APOL6: variants seen among roughly 807,000 people sequenced by gnomAD.
The protein encoded by APOL6 is apolipoprotein L6.
APOL6 carries 1 observed loss-of-function variant against 2.4 expected under a neutral mutation model. The ratio of observed to expected loss-of-function variants is 0.41; its 90% confidence interval spans 0.15 to 1.94. The LOEUF is 1.94. Among genes scored for constraint, APOL6 ranks in the 30% most tolerant of loss-of-function variants. The pLI, the probability that APOL6 is intolerant of heterozygous loss-of-function variation, is 0.30. For missense variants in APOL6, 438 were observed against 429.2 expected (o/e 1.02, Z -0.18); for synonymous variants, 189 against 169.3 (o/e 1.12, Z -0.90).
At position 35,659,760 on chromosome 22, in the gene APOL6, T is replaced by C. The variant is rs868827253; in HGVS notation, c.*164T>C. 1.2e-4 allele frequency: 123 copies of C among 1,043,018 alleles called. No individual in the cohort carries two copies. The African/African-American group carries it at 1.9e-3, about 16-fold the overall frequency. 64.6% of individuals were successfully genotyped at this position (1,043,018 alleles called of 1,614,324 possible). A position where few individuals can be genotyped will look rare whatever the true frequency, so the allele number is the denominator to read the frequency against. On this transcript the variant is annotated 3_prime_UTR_variant, in exon 3 of 3. Coordinates refer to ENST00000409652, the MANE Select transcript of APOL6 (RefSeq NM_030641.4). Reference sequence around the variant, plus strand: ...CTGGGAAAAGGGTCTTCCCTGTTTGTTTGTTTGTTTGTTTGTTTGTTTGTT... The same window carrying C: ...CTGGGAAAAGGGTCTTCCCTGTTTGCTTGTTTGTTTGTTTGTTTGTTTGTT...
chr22:35,657,303 T>C lies in APOL6; in HGVS notation c.50+828T>C, dbSNP rs1412102790. Among the ~76,000 whole-genome samples, 5 of 152,140 alleles carry C rather than the reference T, an allele frequency of 3.3e-5. No homozygotes were observed. In the East Asian group the frequency reaches 9.6e-4, roughly 29 times the overall value. The stretch of plus-strand genomic sequence containing the variant: ...TTGCCTTCATCCCACCCCTTCCCCA[T>C]TGCAAGCCCTGGTGACCTTCTGCTC... On this transcript the variant is annotated intron_variant, in intron 2 of 2. Transcript: ENST00000409652.
Position 35,656,469 on chromosome 22 carries a change from T to G in APOL6, c.44T>G (p.Leu15Trp). 7 of 1,614,104 alleles carry G rather than the reference T, an allele frequency of 4.3e-6. No individual in the cohort carries two copies. The highest frequency in any genetic ancestry group is 2.7e-5 in the African/African-American group (2 of 75,044). Residue 15 changes from leucine (L) to tryptophan (W), a missense_variant, in exon 2 of 3, where the codon TTG (leucine) becomes TGG (tryptophan). Physicochemically the swap from Leu to Trp is moderately conservative, Grantham distance 61. Coordinates refer to ENST00000409652, the MANE Select transcript of APOL6 (RefSeq NM_030641.4). ...AGAGAAAGTGAGGCTGGTGTTGGTT[T>G]GCAAAGGTAATCCAAAGGGTGTAGT... ...AERESEAGVG[L>W]QRDEDDAPLC...
At chr22:35,657,785 T>C (rs898476458) in intron 2 of APOL6, among the ~76,000 whole-genome samples, 1 of 152,170 alleles carries the variant, frequency 6.6e-6, no homozygotes, top group African/African-American at 2.4e-5. Context: ...AATGCACAAA[T>C]GGCACCTTGC....
chr22:35,657,198 C>G (rs11912061), intron 2 of APOL6, among the ~76,000 whole-genome samples: 10 of 152,272 alleles, frequency 6.6e-5, no homozygotes, highest in African/African-American at 2.4e-4. Context: ...GTCTAGCATA[C>G]CTTGAGGAAA....
intron 1 of APOL6, among the ~76,000 whole-genome samples, chr22:35,650,149 G>C (rs1368256475): frequency 6.6e-6 from 1 of 152,156 alleles, no homozygotes; most frequent in African/African-American, 2.4e-5. Context: ...AAAGCAGGTA[G>C]ATGTATGTCT....
chr22:35,662,882 G>GA lies in APOL6; in HGVS notation c.*3290dup, dbSNP rs1291601966. On this transcript the variant is annotated 3_prime_UTR_variant, in exon 3 of 3. Coordinates refer to ENST00000409652, the MANE Select transcript of APOL6 (RefSeq NM_030641.4). ...CTGAGGTCTGAGAGGACTCCCTCCA[G>GA]AAAATCCCTGATCTCTTAAAATTTG... The GA allele has an allele frequency of 3.9e-4, 59 of 152,330 alleles. No individual in the cohort carries two copies. The highest frequency in any genetic ancestry group is 1.5e-5 in the Non-Finnish European group (1 of 68,024). The allele number at this position is 152,330 out of a possible 1,614,324, so 9.4% of individuals were successfully genotyped here.
chr22:35,653,191 C>G (rs1924746256), intron 1 of APOL6, among the ~76,000 whole-genome samples: 1 of 152,064 alleles, frequency 6.6e-6, no homozygotes, highest in African/African-American at 2.4e-5. Context: ...TGATTTGGCT[C>G]TCTGTTTGTC....
intron 1 of APOL6, among the ~76,000 whole-genome samples, chr22:35,655,214 C>G (rs1924813522): frequency 6.6e-6 from 1 of 152,172 alleles, no homozygotes; most frequent in East Asian, 1.9e-4. Context: ...ACATATTAAT[C>G]CACTCCTGTT....
intron 1 of APOL6, among the ~76,000 whole-genome samples, chr22:35,653,584 G>T (rs982050174): frequency 6.6e-6 from 1 of 152,164 alleles, no homozygotes; most frequent in Non-Finnish European, 1.5e-5. Context: ...GGACCTTCTT[G>T]CTGTGTTATC....
In APOL6 at chr22:35,665,899, A is replaced by G. The variant is rs1925165896; in HGVS notation, c.*6303A>G. The stretch of plus-strand genomic sequence containing the variant: ...GACAAGCTTTCCAAAATCAAATTAT[A>G]AATTATGTATTTTTCTAACCTAATT... On this transcript the variant is annotated 3_prime_UTR_variant, in exon 3 of 3. Coordinates refer to ENST00000409652, the MANE Select transcript of APOL6 (RefSeq NM_030641.4). The G allele has an allele frequency of 6.6e-6, 1 of 152,246 alleles. No individual in the cohort carries two copies. The highest frequency in any genetic ancestry group is 2.4e-5 in the African/African-American group (1 of 41,474). The allele number at this position is 152,246 out of a possible 1,614,324, so 9.4% of individuals were successfully genotyped here.
Position 35,666,432 on chromosome 22 carries a change from C to T in APOL6, c.*6836C>T, listed in dbSNP as rs1486102655. 1 of 152,100 alleles carries T rather than the reference C, an allele frequency of 6.6e-6. No individual in the cohort carries two copies. The highest frequency in any genetic ancestry group is 2.4e-5 in the African/African-American group (1 of 41,402). 9.4% of individuals were successfully genotyped at this position (152,100 alleles called of 1,614,324 possible). Reference sequence around the variant, plus strand: ...GGATTACAGGCATACACCACCATGCCCAGCTAATTTTTTTGTATTTTCAGT... The same window carrying T: ...GGATTACAGGCATACACCACCATGCTCAGCTAATTTTTTTGTATTTTCAGT... On this transcript the variant is annotated 3_prime_UTR_variant, in exon 3 of 3. Transcript: ENST00000409652.
chr22:35,652,259 T>C (rs2145953429), intron 1 of APOL6, among the ~76,000 whole-genome samples: 1 of 40,232 alleles, frequency 2.5e-5, no homozygotes, highest in South Asian at 1.3e-3. Flanking sequence ...GTTTTTTTCT[T>C]GTAAATTTGT....
In APOL6 at chr22:35,667,329, A is replaced by G. The variant is rs1315324337; in HGVS notation, c.*7733A>G. ...TCTTATCTGAGATTCCTCCTGTGGA[A>G]CAAAGTTAATTGGTTCCAGAGATTC... On this transcript the variant is annotated 3_prime_UTR_variant, in exon 3 of 3. Coordinates refer to ENST00000409652, the MANE Select transcript of APOL6 (RefSeq NM_030641.4). 6.6e-6 allele frequency: 1 copy of G among 152,222 alleles called. No individual in the cohort carries two copies. The highest frequency in any genetic ancestry group is 1.5e-5 in the Non-Finnish European group (1 of 68,040). 9.4% of individuals were successfully genotyped at this position (152,222 alleles called of 1,614,324 possible). A position where few individuals can be genotyped will look rare whatever the true frequency, so the allele number is the denominator to read the frequency against.
rs183227261 is a variant in APOL6, at chr22:35,658,263, G to A, written c.51-352G>A. On this transcript the variant is annotated intron_variant, in intron 2 of 2. Transcript: ENST00000409652. ...ATTGTTCCCAAGTTCTTTATCTTGA[G>A]TGGGGTTTTAACATTTCCCCACTGC... 2.6e-5 allele frequency among the ~76,000 whole-genome samples: 4 copies of A among 152,216 alleles called. No homozygotes were observed. The East Asian group carries it at 7.7e-4, about 29-fold the overall frequency.
intron 1 of APOL6, among the ~76,000 whole-genome samples, chr22:35,655,044 A>G (rs1043444678): frequency 9.9e-5 from 15 of 152,152 alleles, no homozygotes; most frequent in African/African-American, 3.6e-4. Context: ...TCTACCCACA[A>G]TTTGGTGGCC....
In APOL6 at chr22:35,666,765, T is replaced by A. The variant is rs952239810; in HGVS notation, c.*7169T>A. The stretch of plus-strand genomic sequence containing the variant: ...GAATTAACTGCATAGACTGAACCAA[T>A]CTTTTTGACTTTTTGCTTAAAATGT... On this transcript the variant is annotated 3_prime_UTR_variant, in exon 3 of 3. Transcript: ENST00000409652. 1.3e-5 allele frequency: 2 copies of A among 152,180 alleles called. No individual in the cohort carries two copies. The highest frequency in any genetic ancestry group is 4.8e-5 in the African/African-American group (2 of 41,446). 9.4% of individuals were successfully genotyped at this position (152,180 alleles called of 1,614,324 possible).
intron 1 of APOL6, among the ~76,000 whole-genome samples, chr22:35,656,103 A>G (rs1322619212): frequency 1.3e-5 from 2 of 152,208 alleles, no homozygotes. Context: ...TTTGGCTCAA[A>G]ATAATCCTTA....
rs1046227469 is a variant in APOL6 at position 35,667,000 on chromosome 22, TTTGTA to T, written c.*7405_*7409del. ...TAAGTGCAATAAGAATCTGTTCTAA[TTTGTA>T]ACAGGACACGATTGGAGAAATTGGT... On this transcript the variant is annotated 3_prime_UTR_variant, in exon 3 of 3. Coordinates refer to ENST00000409652, the MANE Select transcript of APOL6 (RefSeq NM_030641.4). 2.2e-4 allele frequency: 34 copies of T among 152,238 alleles called. No homozygotes were observed. Among genetic ancestry groups the T allele is most frequent in the African/African-American group, 7.7e-4 (32 of 41,458 alleles). The allele number at this position is 152,238 out of a possible 1,614,324, so 9.4% of individuals were successfully genotyped here. A position where few individuals can be genotyped will look rare whatever the true frequency, so the allele number is the denominator to read the frequency against.
intron 1 of APOL6, among the ~76,000 whole-genome samples, chr22:35,649,222 G>A (rs986252066): frequency 3.3e-5 from 5 of 152,108 alleles, no homozygotes; most frequent in Non-Finnish European, 7.4e-5. Context: ...GATTGCTTGA[G>A]CCCAAGAGTT....
Sources: gnomAD v4.1 joint callset for allele counts (sites outside exome capture counted in the v4.1 genomes callset) on GRCh38, gnomAD v4.1.1 for gene constraint, MANE v1.5 for transcripts, NCBI Gene and HGNC (gene_info 2026-07-23, HGNC 2026-07-21) for gene names.